POLQ: variants seen among roughly 807,000 people sequenced by gnomAD.
POLQ encodes epididymis secretory sperm binding protein.
POLQ carries 233 observed loss-of-function variants against 259.2 expected under a neutral mutation model. The observed-to-expected ratio is 0.90, with a 90% CI of 0.81 to 1.00. POLQ has a LOEUF of 1.00. POLQ is among the 50% of genes least tolerant of loss of function. The probability of loss-of-function intolerance (pLI) is 0.00; values close to 1 mark genes in which losing one functional copy is unlikely to be tolerated. For synonymous variants in POLQ, 1,025 were observed against 1,048.8 expected (o/e 0.98, Z 0.44); for missense variants, 2,871 against 3,051.6 (o/e 0.94, Z 1.39).
intron 25 of POLQ, among the ~76,000 whole-genome samples, chr3:121,455,801 A>C (rs1453910226): frequency 6.6e-6 from 1 of 152,246 alleles, no homozygotes; most frequent in Non-Finnish European, 1.5e-5. Context: ...ATTCTACCAG[A>C]GTTACAAGGA....
intron 26 of POLQ, among the ~76,000 whole-genome samples, chr3:121,448,733 G>A (rs556937985): frequency 8.1e-4 from 124 of 152,218 alleles, no homozygotes; most frequent in African/African-American, 2.9e-3. Context: ...TTTAAAAAGA[G>A]CATAAAAGAA....
rs1351118998 is a variant in POLQ, at chr3:121,471,970, T to C, written c.6718+20A>G. Reference sequence around the variant, plus strand: ...TTCCTTCAAAATTGGATATTGTTTATACTTAAGATTTCTCATCACCTGTAG... The same window carrying C: ...TTCCTTCAAAATTGGATATTGTTTACACTTAAGATTTCTCATCACCTGTAG... On this transcript the variant is annotated intron_variant, in intron 22 of 29. Coordinates refer to ENST00000264233, the MANE Select transcript of POLQ (RefSeq NM_199420.4). 19 of 1,336,728 alleles carry C rather than the reference T, an allele frequency of 1.4e-5. No homozygotes were observed. Among genetic ancestry groups the C allele is most frequent in the Non-Finnish European group, 1.7e-5 (17 of 999,460 alleles). 82.8% of individuals were successfully genotyped at this position (1,336,728 alleles called of 1,614,324 possible).
At chr3:121,543,269 T>C (rs1259783454) in intron 2 of POLQ, among the ~76,000 whole-genome samples, 1 of 152,230 alleles carries the variant, frequency 6.6e-6, no homozygotes, top group Non-Finnish European at 1.5e-5. Flanking sequence ...CCACTAACTA[T>C]GACTTCTTAG....
At chr3:121,439,946 T>C (rs1459875873) in intron 27 of POLQ, 46 bp downstream of exon 27, 22 of 1,523,178 alleles carry the variant, frequency 1.4e-5, no homozygotes, top group African/African-American at 9.6e-5. Flanking sequence ...AAAAAGTACA[T>C]GTCATTGAAA....
chr3:121,472,883 T>C (rs1366699348), intron 21 of POLQ, among the ~76,000 whole-genome samples: 1 of 152,212 alleles, frequency 6.6e-6, no homozygotes, highest in Non-Finnish European at 1.5e-5. Flanking sequence ...GTGTACAGTT[T>C]CCATGGATTA....
intron 9 of POLQ, among the ~76,000 whole-genome samples, chr3:121,513,100 G>A (rs2048266557): frequency 6.6e-6 from 1 of 151,804 alleles, no homozygotes; most frequent in South Asian, 2.1e-4. Flanking sequence ...GCAGGTAAGA[G>A]GTTCAAAAAG....
chr3:121,437,783 TCAAG>T (rs758449827), intron 27 of POLQ, among the ~76,000 whole-genome samples: 1 of 152,136 alleles, frequency 6.6e-6, no homozygotes, highest in Non-Finnish European at 1.5e-5. Flanking sequence ...CAAGTTCTCA[TCAAG>T]AGAAAAATAG....
intron 10 of POLQ, among the ~76,000 whole-genome samples, chr3:121,510,959 A>G (rs3845860): frequency 0.69 from 104,915 of 151,692 alleles, 36,431 homozygotes; most frequent in East Asian, 0.89. Context: ...CAGGCGCAGT[A>G]GCTCACGCCC....
rs1413342253 is a variant in POLQ at position 121,487,754 on chromosome 3, C to G, written c.5177G>C (p.Ser1726Thr). The G allele has an allele frequency of 6.2e-7, 1 of 1,613,072 alleles. No homozygotes were observed. The highest frequency in any genetic ancestry group is 1.3e-5 in the African/African-American group (1 of 74,902). The change falls in exon 16 of 30, where the codon AGT becomes ACT. Residue 1726 changes from serine to threonine, a missense_variant. Ser to Thr is a moderately conservative substitution (Grantham distance 58). Transcript: ENST00000264233. ...GAGACCATTATCATCAACTATATTA[C>G]TTTCTTTACGAGGTAAGAGGGATGA... ...ETSSLLPRKE[S>T]NIVDDNGLIP...
At position 121,467,640 on chromosome 3, in the gene POLQ, T is replaced by C. The variant is rs150902409; in HGVS notation, c.6846A>G (p.Arg2282=). Residue 2282 remains arginine, a splice_region_variant and synonymous_variant, in exon 24 of 30, where the codon AGA becomes AGG. Transcript: ENST00000264233. ...CGCTGAAACCCTTCTTATATTTTCCTCTGTGGTGCAAACAACATCATCAGT... is the reference window on the plus strand; with the variant it reads ...CGCTGAAACCCTTCTTATATTTTCCCCTGTGGTGCAAACAACATCATCAGT... ...AVGKGLLPMG[R]GKYKKGFSVN... 9.4e-5 allele frequency: 152 copies of C among 1,613,466 alleles called. No individual in the cohort carries two copies. In the Middle Eastern group the frequency reaches 1.2e-3, roughly 12 times the overall value.
intron 28 of POLQ, among the ~76,000 whole-genome samples, chr3:121,434,048 G>A (rs775851376): frequency 6.6e-6 from 1 of 152,190 alleles, no homozygotes; most frequent in Non-Finnish European, 1.5e-5. Context: ...AGCTGAAATC[G>A]GATCTGCCCC....
intron 9 of POLQ, among the ~76,000 whole-genome samples, chr3:121,518,969 C>T (rs2048317811): frequency 6.6e-6 from 1 of 152,070 alleles, no homozygotes; most frequent in African/African-American, 2.4e-5. Flanking sequence ...TCAAACAAAC[C>T]TCTTCCTTAC....
At chr3:121,497,680 G>A (rs1560100322) in intron 13 of POLQ, among the ~76,000 whole-genome samples, 2 of 151,968 alleles carry the variant, frequency 1.3e-5, no homozygotes, top group East Asian at 1.9e-4. Context: ...CAAGTGATCC[G>A]CCCACTTTGG....
intron 9 of POLQ, among the ~76,000 whole-genome samples, chr3:121,512,249 GA>G (rs2048261325): frequency 1.3e-5 from 2 of 152,214 alleles, no homozygotes; most frequent in Admixed American, 1.3e-4. Flanking sequence ...ATTTTGAGCT[GA>G]AGGCCATTGG....
chr3:121,542,866 A>C (rs1359826195), intron 2 of POLQ, among the ~76,000 whole-genome samples: 3 of 152,024 alleles, frequency 2.0e-5, no homozygotes, highest in Non-Finnish European at 4.4e-5. Context: ...GCCTGTATGT[A>C]ATTCCAGCTA....
chr3:121,452,252 C>T (rs552630957), intron 25 of POLQ, among the ~76,000 whole-genome samples: 6 of 152,120 alleles, frequency 3.9e-5, no homozygotes, highest in Admixed American at 6.5e-5. Flanking sequence ...GGTGATGCCT[C>T]GCCCTGCTTC....
intron 22 of POLQ, among the ~76,000 whole-genome samples, chr3:121,470,643 C>T (rs2047876119): frequency 1.3e-5 from 2 of 152,314 alleles, no homozygotes; most frequent in East Asian, 1.9e-4. Flanking sequence ...CAGGGTCTCA[C>T]TCTGTTGCCC....
At position 121,510,158 on chromosome 3, in the gene POLQ, C is replaced by T. The variant is rs753634058; in HGVS notation, c.1697G>A (p.Gly566Glu). ...CTFLAASMKE[G>E]KQGIQRNQES... is the part of the protein sequence containing the mutation. ...TTGATTTCTCTGAATTCCTTGCTTC[C>T]CTTCTTTCATACTTGCAGCCAAAAA... The change falls in exon 11 of 30, where the codon GGG (glycine) becomes GAG (glutamate). Residue 566 changes from glycine (G) to glutamate (E), a missense_variant. Physicochemically the swap from Gly to Glu is moderately conservative, Grantham distance 98. Coordinates refer to ENST00000264233, the MANE Select transcript of POLQ (RefSeq NM_199420.4). 6.2e-6 allele frequency: 10 copies of T among 1,613,898 alleles called. No individual in the cohort carries two copies. Among genetic ancestry groups the T allele is most frequent in the African/African-American group, 5.3e-5 (4 of 74,928 alleles).
chr3:121,477,236 A>G (rs2047934674), intron 19 of POLQ, among the ~76,000 whole-genome samples: 1 of 152,192 alleles, frequency 6.6e-6, no homozygotes, highest in South Asian at 2.1e-4. Context: ...ATTCAGCTTC[A>G]ATATATCTTT....
Sources: allele counts gnomAD v4.1 joint callset (sites outside exome capture counted in the v4.1 genomes callset), GRCh38; gene constraint gnomAD v4.1.1; transcripts MANE v1.5; gene names NCBI Gene and HGNC (gene_info 2026-07-23, HGNC 2026-07-21).